Variants in GPC6 observed in about 807,000 individuals in gnomAD.
GPC6 encodes glypican 6, also known as glypican-6.
Under a neutral mutation model 55.2 loss-of-function variants are expected in GPC6, and 14 were observed. That is an observed-to-expected ratio of 0.25 (90% confidence interval 0.17 to 0.40). GPC6 has a LOEUF of 0.40. Ranked by LOEUF, GPC6 falls within the 10% of genes least tolerant of loss-of-function variation. The pLI, the probability that GPC6 is intolerant of heterozygous loss-of-function variation, is 1.00. For missense variants in GPC6, 641 were observed against 708.5 expected, an observed-to-expected ratio of 0.90 and a Z score of 1.08; for synonymous variants, 278 against 259.6, an observed-to-expected ratio of 1.07 and a Z score of -0.68.
chr13:93,869,857 A>G (rs1231180101), intron 3 of GPC6, among the ~76,000 whole-genome samples: 1 of 151,026 alleles, frequency 6.6e-6, no homozygotes, highest in Non-Finnish European at 1.5e-5. Flanking sequence ...GAGATAAGGA[A>G]ATGAACACAT....
intron 3 of GPC6, among the ~76,000 whole-genome samples, chr13:93,894,880 C>T (rs1374487125): frequency 6.6e-6 from 1 of 151,722 alleles, no homozygotes; most frequent in East Asian, 1.9e-4. Context: ...CTTGGTTTTC[C>T]ATTTGAACTC....
intron 3 of GPC6, among the ~76,000 whole-genome samples, chr13:93,994,672 G>C (rs1881459065): frequency 6.6e-6 from 1 of 152,138 alleles, no homozygotes; most frequent in Non-Finnish European, 1.5e-5. Flanking sequence ...CTGTAAGGCT[G>C]ACTCTAGTGT....
intron 1 of GPC6, among the ~76,000 whole-genome samples, chr13:93,474,566 G>T (rs1879236992): frequency 6.6e-6 from 1 of 152,108 alleles, no homozygotes; most frequent in Non-Finnish European, 1.5e-5. Flanking sequence ...AACATAGTTG[G>T]TCCTACCTTC....
chr13:94,040,031 T>A (rs958299217), intron 4 of GPC6, among the ~76,000 whole-genome samples: 1 of 151,860 alleles, frequency 6.6e-6, no homozygotes, highest in African/African-American at 2.4e-5. Flanking sequence ...CTTTAATAAT[T>A]ATATTTATCA....
At chr13:94,283,143 A>T (rs538450734) in intron 4 of GPC6, among the ~76,000 whole-genome samples, 1 of 152,336 alleles carries the variant, frequency 6.6e-6, no homozygotes, top group South Asian at 2.1e-4. Flanking sequence ...CAATACTTCC[A>T]CCAAAATATC....
At chr13:93,753,479 AT>A (rs1238770565) in intron 2 of GPC6, among the ~76,000 whole-genome samples, 1 of 152,076 alleles carries the variant, frequency 6.6e-6, no homozygotes, top group Non-Finnish European at 1.5e-5. Context: ...AGGTGTATGT[AT>A]TTATGGAGTA....
At chr13:94,222,138 A>C (rs1002868209) in intron 4 of GPC6, among the ~76,000 whole-genome samples, 2 of 152,070 alleles carry the variant, frequency 1.3e-5, no homozygotes, top group African/African-American at 4.8e-5. Flanking sequence ...AGATTAATGA[A>C]CATGTGAAAG....
chr13:94,327,668 A>G (rs1310991861), intron 6 of GPC6, among the ~76,000 whole-genome samples: 1 of 151,568 alleles, frequency 6.6e-6, no homozygotes, highest in Non-Finnish European at 1.5e-5. Context: ...CACATTGACT[A>G]AAAATATAGA....
At chr13:94,138,694 T>A (rs1273772840) in intron 4 of GPC6, among the ~76,000 whole-genome samples, 4 of 152,212 alleles carry the variant, frequency 2.6e-5, no homozygotes, top group Non-Finnish European at 1.5e-5. Flanking sequence ...AGCTTAAGCC[T>A]ACTTAAGGTA....
rs532771360 is a variant in GPC6 at position 93,403,837 on chromosome 13, A to C, written c.161-141426A>C. Reference sequence around the variant, plus strand: ...TATGAATTACATATTTAGTTAATTCAACATGAGCTTTGTGGTTGAAAATAA... The same window carrying C: ...TATGAATTACATATTTAGTTAATTCCACATGAGCTTTGTGGTTGAAAATAA... On this transcript the variant is annotated intron_variant, in intron 1 of 8. Coordinates refer to ENST00000377047, the MANE Select transcript of GPC6 (RefSeq NM_005708.5). 2.2e-4 allele frequency among the ~76,000 whole-genome samples: 33 copies of C among 152,276 alleles called. No homozygotes were observed. In the South Asian group the frequency reaches 5.2e-3, roughly 24 times the overall value.
chr13:93,848,909 A>G (rs1315793918), intron 3 of GPC6, among the ~76,000 whole-genome samples: 1 of 152,118 alleles, frequency 6.6e-6, no homozygotes, highest in Non-Finnish European at 1.5e-5. Context: ...AAAACTTGCT[A>G]AAATCCACTG....
rs140021313 is a variant in GPC6, at chr13:93,936,778, G to C, written c.712-90951G>C. 4.9e-4 allele frequency among the ~76,000 whole-genome samples: 75 copies of C among 152,294 alleles called. No homozygotes were observed. In the East Asian group the frequency reaches 0.01, roughly 21 times the overall value. On this transcript the variant is annotated intron_variant, in intron 3 of 8. Coordinates refer to ENST00000377047, the MANE Select transcript of GPC6 (RefSeq NM_005708.5). Reference sequence around the variant, plus strand: ...AAATCTCATTCAATGCAAACCACGGGTGGATTTTCAGATTCTATAAATTAT... The same window carrying C: ...AAATCTCATTCAATGCAAACCACGGCTGGATTTTCAGATTCTATAAATTAT...
At chr13:93,745,464 T>A (rs1484376236) in intron 2 of GPC6, among the ~76,000 whole-genome samples, 2 of 152,178 alleles carry the variant, frequency 1.3e-5, no homozygotes, top group Non-Finnish European at 2.9e-5. Context: ...CACTGACTTC[T>A]CCACACTAGG....
intron 3 of GPC6, among the ~76,000 whole-genome samples, chr13:93,867,852 A>G (rs1055718221): frequency 5.9e-5 from 9 of 151,906 alleles, no homozygotes; most frequent in African/African-American, 1.9e-4. Flanking sequence ...GCTTTTCTTC[A>G]GAATGAGCTG....
chr13:94,304,134 A>C (rs139557680), intron 5 of GPC6, among the ~76,000 whole-genome samples: 4 of 152,350 alleles, frequency 2.6e-5, no homozygotes, highest in South Asian at 4.1e-4. Flanking sequence ...TACGGAGAAA[A>C]GGGCCCACTA....
chr13:94,392,267 T>A (rs1051279588), intron 7 of GPC6, among the ~76,000 whole-genome samples: 8 of 151,956 alleles, frequency 5.3e-5, no homozygotes, highest in African/African-American at 1.9e-4. Context: ...TGGTGCTTAG[T>A]AGGGGTGTCA....
At chr13:93,542,635 A>G (rs993623231) in intron 1 of GPC6, among the ~76,000 whole-genome samples, 1 of 152,144 alleles carries the variant, frequency 6.6e-6, no homozygotes, top group African/African-American at 2.4e-5. Flanking sequence ...TTTTCGTGAT[A>G]TTGATTCTTC....
chr13:94,331,322 T>C (rs1877405568), intron 6 of GPC6, among the ~76,000 whole-genome samples: 1 of 152,178 alleles, frequency 6.6e-6, no homozygotes, highest in Admixed American at 6.5e-5. Context: ...GACCCTATGG[T>C]CTGCAAAGCC....
At chr13:93,257,421 A>G (rs1876992726) in intron 1 of GPC6, among the ~76,000 whole-genome samples, 1 of 152,246 alleles carries the variant, frequency 6.6e-6, no homozygotes, top group Admixed American at 6.5e-5. Context: ...AAAGTATCAG[A>G]TGATTGGCCT....
Sources: gnomAD v4.1 joint callset for allele counts (sites outside exome capture counted in the v4.1 genomes callset) on GRCh38, gnomAD v4.1.1 for gene constraint, MANE v1.5 for transcripts, NCBI Gene and HGNC (gene_info 2026-07-23, HGNC 2026-07-21) for gene names.